Variants in ATP2B2 observed in about 807,000 individuals in gnomAD.
ATP2B2 encodes the protein plasma membrane calcium-transporting ATPase 2.
ATP2B2 carries 15 observed loss-of-function variants against 120.0 expected under a neutral mutation model. The ratio of observed to expected loss-of-function variants is 0.12; its 90% CI spans 0.08 to 0.19. The LOEUF (loss-of-function observed/expected upper bound fraction) is 0.19, where lower values mean the gene tolerates loss of function less well. Among genes scored for constraint, ATP2B2 ranks in the 10% least tolerant of loss-of-function variants. ATP2B2 has a pLI of 1.00. For synonymous variants in ATP2B2, 694 were observed against 700.3 expected, an observed-to-expected ratio of 0.99 and a Z score of 0.14; for missense variants, 1,045 against 1,719.8, an observed-to-expected ratio of 0.61 and a Z score of 6.94.
chr3:10,472,735 C>T (rs2065063875), intron 1 of ATP2B2, among the ~76,000 whole-genome samples: 1 of 152,194 alleles, frequency 6.6e-6, no homozygotes, highest in Non-Finnish European at 1.5e-5. Flanking sequence ...TAAACATCTC[C>T]CACCAGACTG....
At chr3:10,683,758 G>GTGTATGTA (rs1220751372) in intron 1 of ATP2B2, among the ~76,000 whole-genome samples, 1 of 33,636 alleles carries the variant, frequency 3.0e-5, no homozygotes, top group African/African-American at 1.2e-4. Flanking sequence ...ATGTGTGTGT[G>GTGTATGTA]TGTATATATA....
intron 17 of ATP2B2, 128 bp downstream of exon 17, chr3:10,345,903 G>T (rs1414550238): frequency 2.1e-6 from 2 of 952,400 alleles, no homozygotes; most frequent in Non-Finnish European, 3.2e-6. Context: ...TCTCGAGAAG[G>T]GTGGGCACCC....
At chr3:10,502,353 C>T (rs545566819) in intron 1 of ATP2B2, among the ~76,000 whole-genome samples, 36 of 152,268 alleles carry the variant, frequency 2.4e-4, no homozygotes, top group African/African-American at 7.9e-4. Flanking sequence ...AGATTGAGGG[C>T]AGAGAGAGGA....
At chr3:10,378,592 G>T (rs146657937) in intron 9 of ATP2B2, among the ~76,000 whole-genome samples, 182 bp from the exon 10 acceptor site, 1 of 152,282 alleles carries the variant, frequency 6.6e-6, no homozygotes, top group Non-Finnish European at 1.5e-5. Context: ...TCTTCCAGCC[G>T]GAGCTATGGA....
intron 1 of ATP2B2, among the ~76,000 whole-genome samples, chr3:10,699,873 A>T (rs1228803544): frequency 6.6e-6 from 1 of 152,122 alleles, no homozygotes; most frequent in East Asian, 1.9e-4. Flanking sequence ...TGATGCAGTA[A>T]ATAGACCCTT....
intron 8 of ATP2B2, among the ~76,000 whole-genome samples, chr3:10,381,533 C>G (rs2061530643): frequency 6.6e-6 from 1 of 152,172 alleles, no homozygotes; most frequent in South Asian, 2.1e-4. Flanking sequence ...ATCACCAATG[C>G]ATATGCTGGA....
intron 2 of ATP2B2, among the ~76,000 whole-genome samples, chr3:10,432,360 C>A (rs2063343450): frequency 1.3e-5 from 2 of 152,214 alleles, no homozygotes; most frequent in African/African-American, 2.4e-5. Context: ...AGGCCTGAAG[C>A]CTGGCAGGCT....
At chr3:10,552,037 G>A (rs2125514648) in intron 2 of ATP2B2, among the ~76,000 whole-genome samples, 1 of 152,342 alleles carries the variant, frequency 6.6e-6, no homozygotes. Flanking sequence ...TCCGAACAAT[G>A]TCAAAAGTTG....
At chr3:10,484,853 T>G (rs1484422550) in intron 1 of ATP2B2, among the ~76,000 whole-genome samples, 1 of 152,232 alleles carries the variant, frequency 6.6e-6, no homozygotes, top group Non-Finnish European at 1.5e-5. Context: ...GTTCTGCATC[T>G]GGGTACCAGC....
At chr3:10,655,845 G>A (rs2070609084) in intron 1 of ATP2B2, among the ~76,000 whole-genome samples, 1 of 152,194 alleles carries the variant, frequency 6.6e-6, no homozygotes, top group African/African-American at 2.4e-5. Context: ...GTGGAAACCT[G>A]ATTTTAAAAA....
At chr3:10,412,239 A>G (rs1169711928) in intron 2 of ATP2B2, among the ~76,000 whole-genome samples, 1 of 152,132 alleles carries the variant, frequency 6.6e-6, no homozygotes, top group Non-Finnish European at 1.5e-5. Context: ...GGTATGGATG[A>G]CCCACAGTTG....
intron 1 of ATP2B2, among the ~76,000 whole-genome samples, chr3:10,655,067 G>C (rs1367598115): frequency 1.3e-5 from 2 of 152,162 alleles, no homozygotes. Flanking sequence ...CCTACAAGCA[G>C]GAACTAGTCA....
intron 2 of ATP2B2, among the ~76,000 whole-genome samples, chr3:10,432,764 CAG>C (rs1334197906): frequency 1.3e-5 from 2 of 152,120 alleles, no homozygotes; most frequent in Non-Finnish European, 2.9e-5. Flanking sequence ...TGTCTCTTGA[CAG>C]GGGACAAAGG....
rs960094988 is a variant in ATP2B2 at position 10,331,952 on chromosome 3, C to T, written c.3421-2827G>A. The T allele has an allele frequency of 6.5e-6, 10 of 1,542,754 alleles. No individual in the cohort carries two copies. In the Middle Eastern group the frequency reaches 5.0e-4, roughly 77 times the overall value. ...CAAGAGTCTGGGATTGATTCACATT[C>T]ATTTCAGGCTCAAGGTTAAAGACTC... On this transcript the variant is annotated intron_variant, in intron 22 of 22. Transcript: ENST00000360273.
chr3:10,552,025 A>G (rs2067680736), intron 2 of ATP2B2, among the ~76,000 whole-genome samples: 1 of 152,208 alleles, frequency 6.6e-6, no homozygotes, highest in Non-Finnish European at 1.5e-5. Flanking sequence ...TGTAACACTG[A>G]TTCCGAACAA....
chr3:10,537,103 T>G (rs1357891095), intron 2 of ATP2B2, among the ~76,000 whole-genome samples: 1 of 152,232 alleles, frequency 6.6e-6, no homozygotes, highest in East Asian at 1.9e-4. Context: ...TTGATCTATG[T>G]GTCATATCTC....
chr3:10,348,962 TC>T (rs1428674483), intron 16 of ATP2B2, among the ~76,000 whole-genome samples: 1 of 152,182 alleles, frequency 6.6e-6, no homozygotes, highest in African/African-American at 2.4e-5. Context: ...TGGGTTTCTC[TC>T]CCCAGGCCAG....
chr3:10,495,792 G>A (rs1030165795), intron 1 of ATP2B2, among the ~76,000 whole-genome samples: 12 of 152,370 alleles, frequency 7.9e-5, no homozygotes, highest in African/African-American at 2.9e-4. Flanking sequence ...TGTAGATAAG[G>A]AAACTGAGGC....
chr3:10,660,461 A>T (rs1334067884), intron 1 of ATP2B2, among the ~76,000 whole-genome samples: 1 of 152,150 alleles, frequency 6.6e-6, no homozygotes, highest in Non-Finnish European at 1.5e-5. Flanking sequence ...CAGAGAATAC[A>T]AGAAACACCT....
Sources: allele counts gnomAD v4.1 joint callset (sites outside exome capture counted in the v4.1 genomes callset), GRCh38; gene constraint gnomAD v4.1.1; transcripts MANE v1.5; gene names NCBI Gene and HGNC (gene_info 2026-07-23, HGNC 2026-07-21).